Variants in SCN2A observed in about 807,000 individuals in gnomAD.
SCN2A encodes the protein sodium channel protein type 2 subunit alpha.
In SCN2A, 20 loss-of-function variants were observed where a neutral mutation model predicts 188.7. The ratio of observed to expected loss-of-function variants is 0.11; its 90% CI spans 0.07 to 0.15. The LOEUF (loss-of-function observed/expected upper bound fraction) is 0.15, where lower values mean the gene tolerates loss of function less well. Ranked by LOEUF, SCN2A falls within the 10% of genes least tolerant of loss-of-function variation. The pLI, the probability that SCN2A is intolerant of heterozygous loss-of-function variation, is 1.00. For missense variants in SCN2A, 1,278 were observed against 2,445.0 expected, an observed-to-expected ratio of 0.52 and a Z score of 10.07; for synonymous variants, 804 against 833.1, an observed-to-expected ratio of 0.97 and a Z score of 0.60.
chr2:165,266,610 A>T (rs1274436774), intron 1 of SCN2A: 1 of 152,110 alleles, frequency 6.6e-6, no homozygotes, highest in Non-Finnish European at 1.5e-5. Context: ...AACTGCTTAG[A>T]TCATTTTCTT....
chr2:165,305,716 G>A (rs895461983), intron 3 of SCN2A, among the ~76,000 whole-genome samples: 14 of 152,294 alleles, frequency 9.2e-5, no homozygotes, highest in African/African-American at 3.1e-4. Flanking sequence ...GTGACAAAAC[G>A]TGAAGATGTT....
Position 165,389,853 on chromosome 2 carries a change from A to T in SCN2A, c.*29A>T, listed in dbSNP as rs1393258680. The T allele has an allele frequency of 2.6e-6, 4 of 1,568,516 alleles. No homozygotes were observed. The highest frequency in any genetic ancestry group is 1.7e-4 in the Middle Eastern group (1 of 5,898). On this transcript the variant is annotated 3_prime_UTR_variant, in exon 27 of 27. Transcript: ENST00000375437. This position sits in a 1 kb window ranked among gnomAD's most constrained non-coding sequence, Gnocchi z 4.2. ...GAAACCAAGAATTTTCCATTTTGTG[A>T]TCAATTGTTTACAGCCCGTGATGGT...
chr2:165,386,622 T>G, intron 25 of SCN2A, 124 bp from the exon 26 acceptor site: 2 of 1,000,062 alleles, frequency 2.0e-6, no homozygotes, highest in Middle Eastern at 3.2e-4. Context: ...TTGTAAAATG[T>G]TGTGAGGATT....
intron 1 of SCN2A, among the ~76,000 whole-genome samples, chr2:165,264,439 A>G (rs546738534): frequency 6.6e-6 from 1 of 152,272 alleles, no homozygotes; most frequent in African/African-American, 2.4e-5. Flanking sequence ...TCAGCATAGA[A>G]GGGACATACC....
chr2:165,326,928 C>G lies in SCN2A; in HGVS notation c.2093C>G (p.Pro698Arg). ...YHVSMDLLED[P>R]TSRQRAMSIA... ...GTTTCCATGGATTTATTGGAAGATC[C>G]TACATCAAGGCAAAGAGCAATGAGT... The change falls in exon 13 of 27, where the codon CCT becomes CGT. Residue 698 changes from proline to arginine, a missense_variant. Physicochemically the swap from Pro to Arg is moderately radical, Grantham distance 103. Coordinates refer to ENST00000375437, the MANE Select transcript of SCN2A (RefSeq NM_001040142.2). 1.2e-6 allele frequency: 2 copies of G among 1,613,896 alleles called. No individual in the cohort carries two copies. Among genetic ancestry groups the G allele is most frequent in the Non-Finnish European group, 1.7e-6 (2 of 1,179,900 alleles).
intron 8 of SCN2A, among the ~76,000 whole-genome samples, chr2:165,312,993 C>T (rs571012898): frequency 6.6e-5 from 10 of 152,146 alleles, no homozygotes; most frequent in Admixed American, 1.3e-4. Context: ...GTACTAAATG[C>T]GTTACATACA....
At position 165,389,347 on chromosome 2, in the gene SCN2A, G is replaced by A. The variant is rs371704720; in HGVS notation, c.5541G>A (p.Val1847=). The A allele has an allele frequency of 2.2e-5, 36 of 1,613,944 alleles. No homozygotes were observed. The African/African-American group carries it at 3.5e-4, about 16-fold the overall frequency. The change falls in exon 27 of 27, where the codon GTG becomes GTA. Residue 1847 remains valine (V), a synonymous_variant. Coordinates refer to ENST00000375437, the MANE Select transcript of SCN2A (RefSeq NM_001040142.2). The surrounding 1 kb of genome is among the most constrained non-coding windows in gnomAD (Gnocchi z 4.2). ...VQLIAMDLPM[V]SGDRIHCLDI... Reference sequence around the variant, plus strand: ...TCATTGCCATGGATCTGCCCATGGTGAGTGGTGACCGGATCCACTGTCTTG... The same window carrying A: ...TCATTGCCATGGATCTGCCCATGGTAAGTGGTGACCGGATCCACTGTCTTG...
intron 2 of SCN2A, 73 bp from the exon 3 acceptor site, chr2:165,296,943 GT>G (rs1488723838): frequency 1.2e-6 from 1 of 807,342 alleles, no homozygotes; most frequent in Admixed American, 2.1e-5. Context: ...ATAAATAATG[GT>G]TTTACTTTTC....
Position 165,370,131 on chromosome 2 carries a change from T to C in SCN2A, c.3681T>C (p.Phe1227=), listed in dbSNP as rs1286790712. 1 of 1,613,886 alleles carries C rather than the reference T, an allele frequency of 6.2e-7. No homozygotes were observed. The change falls in exon 20 of 27, where the codon TTT becomes TTC. Residue 1227 remains phenylalanine (F), a synonymous_variant. Transcript: ENST00000375437. ...MILLSSGALA[F]EDIYIEQRKT... is the part of the protein sequence containing the mutation. ...TAGAATTTTTTGACTTACAGGCCTT[T>C]GAAGATATATACATTGAGCAGCGAA...
intron 1 of SCN2A, among the ~76,000 whole-genome samples, chr2:165,287,665 T>C (rs1264867723): frequency 1.3e-5 from 2 of 152,178 alleles, no homozygotes; most frequent in African/African-American, 4.8e-5. Flanking sequence ...TGCTCATGTC[T>C]GCCTAACTAC....
intron 1 of SCN2A, among the ~76,000 whole-genome samples, chr2:165,294,479 CTG>C (rs1307035406): frequency 6.6e-6 from 1 of 152,128 alleles, no homozygotes; most frequent in Non-Finnish European, 1.5e-5. Flanking sequence ...TTAAATAAAA[CTG>C]TGCAGTAGTT....
chr2:165,271,835 C>A (rs1261411110), intron 1 of SCN2A: 2 of 151,450 alleles, frequency 1.3e-5, no homozygotes, highest in Non-Finnish European at 2.9e-5. Context: ...TTTTTCCTGG[C>A]TTTTGTCACT....
chr2:165,364,201 A>G (rs775136974), intron 17 of SCN2A, among the ~76,000 whole-genome samples: 5 of 152,136 alleles, frequency 3.3e-5, no homozygotes, highest in Non-Finnish European at 7.4e-5. Flanking sequence ...TGGTAATAAC[A>G]TTGTAACAGG....
Position 165,386,844 on chromosome 2 carries a change from G to A in SCN2A, c.4650G>A (p.Val1550=). ...GCCTTAACATGGTCACCATGATGGT[G>A]GAAACCGATGACCAGAGTCAAGAAA... ...LICLNMVTMM[V]ETDDQSQEMT... The change falls in exon 26 of 27, where the codon GTG becomes GTA. Residue 1550 remains valine (V), a synonymous_variant. Transcript: ENST00000375437. 2 of 1,613,882 alleles carry A rather than the reference G, an allele frequency of 1.2e-6. No individual in the cohort carries two copies. The highest frequency in any genetic ancestry group is 1.7e-6 in the Non-Finnish European group (2 of 1,179,916).
intron 18 of SCN2A, among the ~76,000 whole-genome samples, chr2:165,366,633 G>C (rs1700740449): frequency 6.8e-6 from 1 of 147,560 alleles, no homozygotes; most frequent in South Asian, 2.1e-4. Flanking sequence ...AGAATCGCTT[G>C]AACCTGGGAG....
chr2:165,283,629 G>T (rs1695684769), intron 1 of SCN2A, among the ~76,000 whole-genome samples: 1 of 152,194 alleles, frequency 6.6e-6, no homozygotes, highest in African/African-American at 2.4e-5. Context: ...TCACAAATTT[G>T]TCTAATAGCA....
chr2:165,384,134 T>C (rs1701742919), intron 25 of SCN2A, among the ~76,000 whole-genome samples: 1 of 151,872 alleles, frequency 6.6e-6, no homozygotes, highest in South Asian at 2.1e-4. Context: ...TCTAATGAAT[T>C]TGGAGTAATA....
chr2:165,288,384 T>C (rs1450985102), intron 1 of SCN2A, among the ~76,000 whole-genome samples: 1 of 143,406 alleles, frequency 7.0e-6, no homozygotes, highest in Non-Finnish European at 1.5e-5. Context: ...TTTCACCTGA[T>C]GTTTCTTGAC....
chr2:165,384,697 T>C (rs1489383670), intron 25 of SCN2A, among the ~76,000 whole-genome samples: 1 of 152,084 alleles, frequency 6.6e-6, no homozygotes, highest in Admixed American at 6.6e-5. Context: ...GAGCAAACCA[T>C]TTGCAATACA....
Sources: gnomAD v4.1 joint callset for allele counts (sites outside exome capture counted in the v4.1 genomes callset) on GRCh38, gnomAD v4.1.1 for gene constraint, Gnocchi (gnomAD v3.1) non-coding constraint, MANE v1.5 for transcripts, NCBI Gene and HGNC (gene_info 2026-07-23, HGNC 2026-07-21) for gene names.